The following LRP1B variants were observed in gnomAD, a reference collection of about 807,000 sequenced individuals.
LRP1B encodes the protein low-density lipoprotein receptor-related protein 1B.
In LRP1B, 217 loss-of-function variants were observed where a neutral mutation model predicts 556.6. The observed-to-expected ratio is 0.39, with a 90% CI of 0.35 to 0.44. The LOEUF (loss-of-function observed/expected upper bound fraction) is 0.44. Among genes scored for constraint, LRP1B ranks in the 20% least tolerant of loss-of-function variants. The pLI is 1.00. For synonymous variants in LRP1B, 2,047 were observed against 1,865.8 expected, an observed-to-expected ratio of 1.10 and a Z score of -2.50; for missense variants, 5,053 against 5,620.8, an observed-to-expected ratio of 0.90 and a Z score of 3.23.
intron 2 of LRP1B, among the ~76,000 whole-genome samples, chr2:141,804,964 A>G (rs1696124243): frequency 6.6e-6 from 1 of 152,098 alleles, no homozygotes; most frequent in Non-Finnish European, 1.5e-5. Context: ...GTGAAGGGAC[A>G]CTGTGGTACA....
chr2:141,934,072 C>A (rs1700571894), intron 1 of LRP1B, among the ~76,000 whole-genome samples: 1 of 151,906 alleles, frequency 6.6e-6, no homozygotes, highest in Non-Finnish European at 1.5e-5. Flanking sequence ...ACTACAAAAG[C>A]AATCAATTAT....
intron 7 of LRP1B, among the ~76,000 whole-genome samples, chr2:141,072,946 G>A (rs145752402): frequency 1.1e-4 from 17 of 152,064 alleles, no homozygotes; most frequent in Admixed American, 4.6e-4. Flanking sequence ...CACTCAGTCC[G>A]TCTTTTTCTC....
intron 59 of LRP1B, among the ~76,000 whole-genome samples, chr2:140,483,640 A>ATATATATATATATTT (rs1491228405): frequency 1.6e-4 from 11 of 70,734 alleles, no homozygotes; most frequent in Non-Finnish European, 2.3e-4. Context: ...ATATATATAT[A>ATATATATATATATTT]TTTTTTTTTT....
intron 86 of LRP1B, among the ~76,000 whole-genome samples, chr2:140,255,297 A>G (rs926911592): frequency 4.6e-5 from 7 of 152,168 alleles, no homozygotes; most frequent in East Asian, 1.9e-4. Flanking sequence ...TAAGCAGACA[A>G]TGCCCAAAAA....
At chr2:141,254,369 G>GT (rs1684381863) in intron 4 of LRP1B, among the ~76,000 whole-genome samples, 153 bp downstream of exon 4, 1 of 152,074 alleles carries the variant, frequency 6.6e-6, no homozygotes, top group South Asian at 2.1e-4. Flanking sequence ...TAATGTTTAT[G>GT]TTTTTGTTGG....
At chr2:141,335,620 G>C (rs1687820199) in intron 3 of LRP1B, among the ~76,000 whole-genome samples, 3 of 152,098 alleles carry the variant, frequency 2.0e-5, no homozygotes, top group South Asian at 4.1e-4. Context: ...ACTAGAGACA[G>C]TGAAATAATA....
intron 41 of LRP1B, among the ~76,000 whole-genome samples, chr2:140,684,436 C>T (rs1398137980): frequency 6.6e-6 from 1 of 152,160 alleles, no homozygotes; most frequent in East Asian, 1.9e-4. Context: ...CTGTTCCAGG[C>T]CTAAGCAATC....
chr2:141,416,677 A>G (rs1691120461), intron 3 of LRP1B, among the ~76,000 whole-genome samples: 1 of 151,484 alleles, frequency 6.6e-6, no homozygotes, highest in African/African-American at 2.4e-5. Context: ...CTGGTCTTGA[A>G]CTCCTGACCT....
intron 2 of LRP1B, among the ~76,000 whole-genome samples, chr2:141,655,762 T>C (rs1372005024): frequency 6.6e-6 from 1 of 152,096 alleles, no homozygotes; most frequent in Non-Finnish European, 1.5e-5. Flanking sequence ...GATAAGGCAG[T>C]TCAAGACTGT....
intron 41 of LRP1B, among the ~76,000 whole-genome samples, chr2:140,648,283 A>C (rs476218): frequency 0.73 from 109,626 of 150,944 alleles, 40,017 homozygotes; most frequent in Non-Finnish European, 0.77. Flanking sequence ...ACACCGGGGC[A>C]TGTGGTGGGG....
intron 32 of LRP1B, among the ~76,000 whole-genome samples, chr2:140,790,317 C>T (rs2104984483): frequency 6.6e-6 from 1 of 152,184 alleles, no homozygotes; most frequent in Admixed American, 6.5e-5. Flanking sequence ...CACTCTGGTG[C>T]CCAGGGCATG....
chr2:142,070,047 C>T (rs866070943), intron 1 of LRP1B, among the ~76,000 whole-genome samples: 21 of 151,824 alleles, frequency 1.4e-4, no homozygotes, highest in East Asian at 2.0e-4. Flanking sequence ...TAGCCTTGTA[C>T]GAGGCTCATA....
intron 66 of LRP1B, among the ~76,000 whole-genome samples, chr2:140,422,506 T>G (rs1489684836): frequency 6.6e-6 from 1 of 151,972 alleles, no homozygotes; most frequent in Admixed American, 6.6e-5. Context: ...AGGGGAGAGA[T>G]AGAAAGCTGA....
chr2:141,463,652 A>ATAT (rs1682037616), intron 3 of LRP1B, among the ~76,000 whole-genome samples: 1 of 135,878 alleles, frequency 7.4e-6, no homozygotes, highest in African/African-American at 2.7e-5. Context: ...TATATTATAT[A>ATAT]TAATTATATA....
chr2:141,139,788 T>C (rs1052986210), intron 7 of LRP1B, among the ~76,000 whole-genome samples: 1,913 of 92,444 alleles, frequency 0.021, 37 homozygotes, highest in African/African-American at 0.1. Context: ...AAAATGTGTG[T>C]GTGTGTGTGT....
At chr2:140,516,084 T>C (rs1163965467) in intron 50 of LRP1B, among the ~76,000 whole-genome samples, 1 of 151,888 alleles carries the variant, frequency 6.6e-6, no homozygotes, top group East Asian at 1.9e-4. Flanking sequence ...ACACAGAAAT[T>C]AGGAGGTAGA....
chr2:140,968,169 T>A, intron 18 of LRP1B, among the ~76,000 whole-genome samples: 1 of 151,858 alleles, frequency 6.6e-6, no homozygotes, highest in African/African-American at 2.4e-5. Context: ...CTGGACTTTT[T>A]TTGGTTGGTA....
chr2:142,104,791 C>T (rs975511186), intron 1 of LRP1B, among the ~76,000 whole-genome samples: 3 of 152,018 alleles, frequency 2.0e-5, no homozygotes, highest in Admixed American at 6.6e-5. Context: ...CTTAAAAATG[C>T]GAGCAGTAAA....
intron 1 of LRP1B, among the ~76,000 whole-genome samples, chr2:142,081,196 G>A (rs1418864688): frequency 6.6e-6 from 1 of 151,982 alleles, no homozygotes; most frequent in Non-Finnish European, 1.5e-5. Context: ...ATTCAATAAG[G>A]CCTGAGAAAT....
Sources: allele counts gnomAD v4.1 joint callset (sites outside exome capture counted in the v4.1 genomes callset), GRCh38; gene constraint gnomAD v4.1.1; transcripts MANE v1.5; gene names NCBI Gene and HGNC (gene_info 2026-07-23, HGNC 2026-07-21).